Variants in DMD observed in about 807,000 individuals in gnomAD.
DMD encodes the protein dystrophin.
DMD carries 63 observed loss-of-function variants against 330.1 expected under a neutral mutation model. The observed-to-expected ratio is 0.19, with a 90% CI of 0.16 to 0.24. DMD has a LOEUF of 0.24. Among genes scored for constraint, DMD ranks in the 10% least tolerant of loss-of-function variants. The pLI is 1.00. For synonymous variants in DMD, 1,223 were observed against 959.8 expected (o/e 1.27, Z -5.07); for missense variants, 3,344 against 2,684.1 (o/e 1.25, Z -5.43).
intron 13 of DMD, among the ~76,000 whole-genome samples, chrX:32,579,916 T>C (rs775001379): frequency 8.9e-6 from 1 of 112,925 alleles, no homozygotes; most frequent in Non-Finnish European, 1.9e-5. Flanking sequence ...CTATATTATT[T>C]ATTTGTGTGA....
rs189306556 is a variant in DMD, at chrX:32,788,149, C to T, written c.649+21344G>A. On this transcript the variant is annotated intron_variant, in intron 7 of 78. Transcript: ENST00000357033. ...AAATCAACCCTAGGTTAATCTGATG[C>T]TGCCTAGGAAAATGAACATAGAAAC... Among the ~76,000 whole-genome samples the T allele has an allele frequency of 1.6e-4, 18 of 111,695 alleles. No individual in the cohort carries two copies. The East Asian group carries it at 2.3e-3, about 14-fold the overall frequency.
intron 47 of DMD, among the ~76,000 whole-genome samples, chrX:31,887,291 C>T (rs2094168821): frequency 8.9e-6 from 1 of 112,151 alleles, no homozygotes; most frequent in African/African-American, 3.2e-5. Flanking sequence ...TGATAGAGCC[C>T]TATTTTCCTT....
At chrX:31,768,023 C>T (rs1185526416) in intron 51 of DMD, among the ~76,000 whole-genome samples, 1 of 111,157 alleles carries the variant, frequency 9.0e-6, no homozygotes, top group African/African-American at 3.3e-5. Flanking sequence ...TCATCTTGTC[C>T]AGATTGGCCA....
At chrX:31,521,948 T>C (rs946394297) in intron 55 of DMD, among the ~76,000 whole-genome samples, 2 of 111,507 alleles carry the variant, frequency 1.8e-5, no homozygotes, top group African/African-American at 6.5e-5. Context: ...AAAAATACTC[T>C]TAAAACTACA....
chrX:31,122,737 A>C (rs1269274487), intron 78 of DMD, among the ~76,000 whole-genome samples: 1 of 111,553 alleles, frequency 9.0e-6, no homozygotes, highest in Non-Finnish European at 1.9e-5. Context: ...CTCCTCCTAA[A>C]TGAGGGTTAA....
intron 7 of DMD, among the ~76,000 whole-genome samples, chrX:32,726,345 A>G (rs919898028): frequency 1.8e-5 from 2 of 111,353 alleles, no homozygotes; most frequent in African/African-American, 6.5e-5. Flanking sequence ...AAAAACACAC[A>G]TGTGGCAGCA....
chrX:32,446,456 T>C (rs1255430778), intron 27 of DMD, among the ~76,000 whole-genome samples: 1 of 109,657 alleles, frequency 9.1e-6, no homozygotes, highest in Admixed American at 9.7e-5. Context: ...AACTGCATCA[T>C]TATCCAATAC....
intron 16 of DMD, among the ~76,000 whole-genome samples, chrX:32,558,938 CTTTTTTTTTTTTTTTT>C (rs60739281): frequency 7.9e-5 from 4 of 50,828 alleles, no homozygotes; most frequent in Non-Finnish European, 1.2e-4. Flanking sequence ...TTCAAATTTT[CTTTTTTTTTTTTTTTT>C]TTTTTTTTTT....
chrX:32,999,461 G>A (rs778635532), intron 2 of DMD, among the ~76,000 whole-genome samples: 2 of 111,599 alleles, frequency 1.8e-5, no homozygotes, highest in Non-Finnish European at 3.8e-5. Context: ...GATTATGTAG[G>A]TATTGTTACT....
chrX:32,667,132 C>A (rs1488891712), intron 9 of DMD, among the ~76,000 whole-genome samples: 2 of 111,243 alleles, frequency 1.8e-5, no homozygotes, highest in African/African-American at 6.5e-5. Flanking sequence ...CATGGATGAG[C>A]CTAGAATACA....
At chrX:32,563,477 T>C (rs1309011364) in intron 16 of DMD, among the ~76,000 whole-genome samples, 1 of 111,190 alleles carries the variant, frequency 9.0e-6, no homozygotes, top group African/African-American at 3.3e-5. Context: ...CATTTTATCT[T>C]CATTGTATCC....
intron 2 of DMD, among the ~76,000 whole-genome samples, chrX:32,942,854 TAGG>T (rs956561490): frequency 1.1e-4 from 12 of 111,512 alleles, no homozygotes; most frequent in African/African-American, 2.6e-4. Flanking sequence ...AGAAATTCAG[TAGG>T]AGAAGTGAAG....
chrX:32,264,840 T>C (rs1234526065), intron 43 of DMD, among the ~76,000 whole-genome samples: 1 of 111,940 alleles, frequency 8.9e-6, no homozygotes, highest in Non-Finnish European at 1.9e-5. Context: ...CAGCAAAGTG[T>C]TCAAGATTTG....
chrX:32,654,530 T>G (rs1388606822), intron 9 of DMD, among the ~76,000 whole-genome samples: 2 of 111,869 alleles, frequency 1.8e-5, no homozygotes, highest in Non-Finnish European at 3.8e-5. Context: ...AGCTTTTTGA[T>G]GTGCTGCTGG....
chrX:31,175,635 C>T (rs2040431549), intron 71 of DMD, among the ~76,000 whole-genome samples: 1 of 110,560 alleles, frequency 9.0e-6, no homozygotes, highest in Admixed American at 9.6e-5. Context: ...AGTGCAAAGC[C>T]TTCTAAAACA....
At chrX:32,265,521 G>A (rs1168740872) in intron 43 of DMD, among the ~76,000 whole-genome samples, 2 of 112,048 alleles carry the variant, frequency 1.8e-5, no homozygotes, top group Non-Finnish European at 3.8e-5. Context: ...CTGCCTAGTA[G>A]AGCTGTGAGA....
At chrX:31,519,400 A>T (rs1444785958) in intron 55 of DMD, among the ~76,000 whole-genome samples, 1 of 112,381 alleles carries the variant, frequency 8.9e-6, no homozygotes, top group African/African-American at 3.2e-5. Flanking sequence ...GCAAGAACAT[A>T]TGGCAAAGTG....
Position 32,239,423 on chromosome X carries a change from A to G in DMD, c.6291-22360T>C, listed in dbSNP as rs181562489. On this transcript the variant is annotated intron_variant, in intron 43 of 78. Coordinates refer to ENST00000357033, the MANE Select transcript of DMD (RefSeq NM_004006.3). ...AGGGGAAAGTACAGAGATTTCCCGTATACTCTCTGGCCCCCTTCCTCATTA... is the reference window on the plus strand; with the variant it reads ...AGGGGAAAGTACAGAGATTTCCCGTGTACTCTCTGGCCCCCTTCCTCATTA... 2.3e-4 allele frequency among the ~76,000 whole-genome samples: 26 copies of G among 111,834 alleles called. No homozygotes were observed. In the East Asian group the frequency reaches 5.6e-3, roughly 24 times the overall value.
intron 59 of DMD, among the ~76,000 whole-genome samples, chrX:31,449,227 G>A: frequency 9.0e-6 from 1 of 111,361 alleles, no homozygotes; most frequent in Non-Finnish European, 1.9e-5. Context: ...TGCCTGGTGT[G>A]CAATGAATAG....
Sources: allele counts gnomAD v4.1 joint callset (sites outside exome capture counted in the v4.1 genomes callset), GRCh38; gene constraint gnomAD v4.1.1; transcripts MANE v1.5; gene names NCBI Gene and HGNC (gene_info 2026-07-23, HGNC 2026-07-21).